Variants in NMBR observed in about 807,000 individuals in gnomAD.
NMBR encodes the protein neuromedin-B receptor.
Under a neutral mutation model 20.5 loss-of-function variants are expected in NMBR, and 16 were observed. The ratio of observed to expected loss-of-function variants is 0.78; its 90% CI spans 0.53 to 1.19. The LOEUF (loss-of-function observed/expected upper bound fraction) is 1.19. Ranked by LOEUF, NMBR falls within the 50% of genes most tolerant of loss-of-function variation. NMBR has a pLI of 0.00. For missense variants in NMBR, 582 were observed against 499.1 expected, an observed-to-expected ratio of 1.17 and a Z score of -1.58; for synonymous variants, 212 against 196.6, an observed-to-expected ratio of 1.08 and a Z score of -0.65.
chr6:142,099,864 A>G (rs928033429), intron 1 of NMBR, among the ~76,000 whole-genome samples: 15 of 152,316 alleles, frequency 9.8e-5, no homozygotes, highest in Non-Finnish European at 1.2e-4. Flanking sequence ...TTTAAAATTC[A>G]TCAGTAAAAA....
intron 2 of NMBR, among the ~76,000 whole-genome samples, chr6:142,082,085 TAC>T (rs1427771887): frequency 6.6e-6 from 1 of 152,212 alleles, no homozygotes; most frequent in Non-Finnish European, 1.5e-5. Context: ...TTTTACCTCT[TAC>T]AGAGTCATCA....
chr6:142,144,701 C>T (rs188671154), intron 1 of NMBR, among the ~76,000 whole-genome samples: 13 of 152,280 alleles, frequency 8.5e-5, no homozygotes, highest in Middle Eastern at 3.4e-3. Flanking sequence ...GTTACACTAA[C>T]ACTGTCTCTG....
chr6:142,124,351 T>C (rs1777997140), intron 1 of NMBR, among the ~76,000 whole-genome samples: 1 of 151,934 alleles, frequency 6.6e-6, no homozygotes, highest in Admixed American at 6.6e-5. Flanking sequence ...CTAGTCTCCA[T>C]AATAAGAGTG....
At chr6:142,120,460 A>G (rs1777926856) in intron 1 of NMBR, among the ~76,000 whole-genome samples, 1 of 151,950 alleles carries the variant, frequency 6.6e-6, no homozygotes, top group Non-Finnish European at 1.5e-5. Context: ...CTATAGAGGT[A>G]GAAGCTAAAC....
intron 1 of NMBR, among the ~76,000 whole-genome samples, chr6:142,102,197 G>A (rs565888406): frequency 3.3e-5 from 5 of 152,066 alleles, no homozygotes; most frequent in Admixed American, 2.0e-4. Flanking sequence ...GACCATCCTG[G>A]CTAACACGGT....
chr6:142,092,792 G>T (rs1456499378), intron 1 of NMBR, among the ~76,000 whole-genome samples: 1 of 152,164 alleles, frequency 6.6e-6, no homozygotes, highest in African/African-American at 2.4e-5. Flanking sequence ...AGAGAAAAGT[G>T]AGTCATACAG....
chr6:142,089,515 T>C (rs760192877), intron 1 of NMBR, among the ~76,000 whole-genome samples, 194 bp from the exon 2 acceptor site: 7 of 152,246 alleles, frequency 4.6e-5, no homozygotes, highest in Non-Finnish European at 1.0e-4. Context: ...CATTTCTTAA[T>C]CGTTCTGCTT....
chr6:142,120,842 ATT>A (rs1282313718), intron 1 of NMBR, among the ~76,000 whole-genome samples: 1 of 151,972 alleles, frequency 6.6e-6, no homozygotes, highest in East Asian at 1.9e-4. Context: ...ACAAAATAAA[ATT>A]TACAACATCA....
At chr6:142,127,579 T>G (rs1211595972) in intron 1 of NMBR, among the ~76,000 whole-genome samples, 3 of 152,028 alleles carry the variant, frequency 2.0e-5, no homozygotes, top group Admixed American at 2.0e-4. Context: ...TCACTTTGGA[T>G]AGTGTGGACA....
chr6:142,134,418 G>T, intron 1 of NMBR: 1 of 444,742 alleles, frequency 2.2e-6, no homozygotes, highest in Non-Finnish European at 3.9e-6. Context: ...AGATTTTTAT[G>T]AAACTTGGAA....
At chr6:142,135,989 A>G (rs967358285) in intron 1 of NMBR, among the ~76,000 whole-genome samples, 17 of 152,282 alleles carry the variant, frequency 1.1e-4, no homozygotes, top group South Asian at 6.2e-4. Flanking sequence ...AGCATGATTT[A>G]TAGTCCTTTG....
intron 1 of NMBR, among the ~76,000 whole-genome samples, chr6:142,109,699 ATGTT>A (rs918814829): frequency 3.3e-5 from 5 of 152,088 alleles, no homozygotes; most frequent in African/African-American, 1.2e-4. Flanking sequence ...TACGATCTGA[ATGTT>A]TGTTACTCTT....
At position 142,075,308 on chromosome 6, in the gene NMBR, T is replaced by C. The variant is rs891908725; in HGVS notation, c.*340A>G. Among the ~76,000 whole-genome samples, 1 of 152,112 alleles carries C rather than the reference T, an allele frequency of 6.6e-6. No individual in the cohort carries two copies. Among genetic ancestry groups the C allele is most frequent in the Non-Finnish European group, 1.5e-5 (1 of 68,016 alleles). On this transcript the variant is annotated 3_prime_UTR_variant, in exon 4 of 4. Transcript: ENST00000258042. Reference sequence around the variant, plus strand: ...GAACTGGCTTTAGCAACAGCCTAAATACTAAAGCAATGTTAAATTATACAT... The same window carrying C: ...GAACTGGCTTTAGCAACAGCCTAAACACTAAAGCAATGTTAAATTATACAT...
At chr6:142,077,870 T>C (rs1776981261) in intron 3 of NMBR, among the ~76,000 whole-genome samples, 1 of 152,274 alleles carries the variant, frequency 6.6e-6, no homozygotes, top group South Asian at 2.1e-4. Context: ...TCTCTTTGTG[T>C]ATTAACACAG....
At chr6:142,105,514 C>T (rs944633749) in intron 1 of NMBR, among the ~76,000 whole-genome samples, 1 of 152,148 alleles carries the variant, frequency 6.6e-6, no homozygotes, top group South Asian at 2.1e-4. Flanking sequence ...TTTTCTCCAA[C>T]TTTATATATT....
chr6:142,106,805 T>C (rs112332451), intron 1 of NMBR, among the ~76,000 whole-genome samples: 3 of 152,296 alleles, frequency 2.0e-5, no homozygotes, highest in Non-Finnish European at 2.9e-5. Context: ...AAAAATACAG[T>C]GCCCAAGTAA....
At position 142,119,489 on chromosome 6, in the gene NMBR, G is replaced by A. The variant is rs543217872; in HGVS notation, c.-664+27555C>T. Among the ~76,000 whole-genome samples the A allele has an allele frequency of 2.0e-5, 3 of 151,988 alleles. No homozygotes were observed. In the South Asian group the frequency reaches 6.2e-4, roughly 32 times the overall value. On this transcript the variant is annotated intron_variant, in intron 1 of 3. Coordinates refer to ENST00000258042, the MANE Select transcript of NMBR (RefSeq NM_002511.4). ...GTGTGAAGGATTGCCAAGGACTCTAGGTGTGGCAGGGATGTAAAGGTTTAC... is the reference window on the plus strand; with the variant it reads ...GTGTGAAGGATTGCCAAGGACTCTAAGTGTGGCAGGGATGTAAAGGTTTAC...
intron 1 of NMBR, among the ~76,000 whole-genome samples, chr6:142,090,542 A>G (rs1777304176): frequency 6.6e-6 from 1 of 150,406 alleles, no homozygotes; most frequent in African/African-American, 2.4e-5. Flanking sequence ...TTAGTTAAAT[A>G]GAATATTTAT....
chr6:142,090,924 T>C (rs921560628), intron 1 of NMBR, among the ~76,000 whole-genome samples: 1 of 152,068 alleles, frequency 6.6e-6, no homozygotes, highest in East Asian at 1.9e-4. Flanking sequence ...AAAAAATGTT[T>C]AGTCTAAAAG....
Sources: allele counts gnomAD v4.1 joint callset (sites outside exome capture counted in the v4.1 genomes callset), GRCh38; gene constraint gnomAD v4.1.1; transcripts MANE v1.5; gene names NCBI Gene and HGNC (gene_info 2026-07-23, HGNC 2026-07-21).